ERC1: variants seen among roughly 807,000 people sequenced by gnomAD.
The protein encoded by ERC1 is ELKS/RAB6-interacting/CAST family member 1.
In ERC1, 56 loss-of-function variants were observed where a neutral mutation model predicts 132.0. The observed-to-expected ratio is 0.42, with a 90% CI of 0.34 to 0.53. The LOEUF is 0.53. Among genes scored for constraint, ERC1 ranks in the 20% least tolerant of loss-of-function variants. The pLI, the probability that ERC1 is intolerant of heterozygous loss-of-function variation, is 0.03. For missense variants in ERC1, 1,202 were observed against 1,349.9 expected, an observed-to-expected ratio of 0.89 and a Z score of 1.72; for synonymous variants, 478 against 476.1, an observed-to-expected ratio of 1.00 and a Z score of -0.05.
chr12:1,161,305 G>T (rs1951866573), intron 8 of ERC1, among the ~76,000 whole-genome samples: 1 of 152,156 alleles, frequency 6.6e-6, no homozygotes, highest in South Asian at 2.1e-4. Context: ...TTGAAAGTTT[G>T]CAAGGTAGAT....
intron 16 of ERC1, among the ~76,000 whole-genome samples, chr12:1,407,660 G>T (rs1342382811): frequency 3.3e-5 from 5 of 152,170 alleles, no homozygotes. Context: ...CCATTAACTG[G>T]ATAGCTTAAT....
At chr12:1,387,068 T>TCTTGGAATGAGAATGTCTATCATA (rs2089454207) in intron 16 of ERC1, 1 of 151,444 alleles carries the variant, frequency 6.6e-6, no homozygotes, top group African/African-American at 2.4e-5. Flanking sequence ...AGTTTTTCCC[T>TCTTGGAATGAGAATGTCTATCATA]TTTGGAATGA....
chr12:1,060,788 C>A (rs1357970407), intron 2 of ERC1, among the ~76,000 whole-genome samples: 1 of 148,420 alleles, frequency 6.7e-6, no homozygotes, highest in Non-Finnish European at 1.5e-5. Context: ...TGCAGTGGTG[C>A]GATCTCGGCT....
At chr12:1,262,566 A>G (rs1363852158) in intron 13 of ERC1, among the ~76,000 whole-genome samples, 1 of 152,218 alleles carries the variant, frequency 6.6e-6, no homozygotes, top group Non-Finnish European at 1.5e-5. Context: ...TTTGCTGACA[A>G]TTGTCTATGA....
intron 15 of ERC1, among the ~76,000 whole-genome samples, chr12:1,346,716 G>A (rs1218130058): frequency 6.6e-6 from 1 of 152,058 alleles, no homozygotes; most frequent in Non-Finnish European, 1.5e-5. Flanking sequence ...GCCGAGGCGG[G>A]TGGATCATGA....
intron 16 of ERC1, among the ~76,000 whole-genome samples, chr12:1,406,060 G>C (rs1483173928): frequency 6.6e-6 from 1 of 152,170 alleles, no homozygotes; most frequent in Non-Finnish European, 1.5e-5. Context: ...TAGCTAAAAT[G>C]TATTGGGTGT....
In ERC1 at chr12:1,268,242, C is replaced by A. The variant is rs77969636; in HGVS notation, c.2619+5077C>A. ...ATTCTTTACTTTTATAAACATAATT[C>A]TTTACTGGTCTGAATATTAAGTTAT... On this transcript the variant is annotated intron_variant, in intron 14 of 18. Transcript: ENST00000360905. Among the ~76,000 whole-genome samples the A allele has an allele frequency of 4.9e-4, 74 of 152,202 alleles. No individual in the cohort carries two copies. In the East Asian group the frequency reaches 0.011, roughly 23 times the overall value.
intron 2 of ERC1, among the ~76,000 whole-genome samples, chr12:1,048,819 A>C (rs2154166718): frequency 6.6e-6 from 1 of 152,356 alleles, no homozygotes; most frequent in East Asian, 1.9e-4. Context: ...TAATTACGAA[A>C]GGGATCTGTA....
At chr12:1,029,119 C>T (rs963103658) in intron 2 of ERC1, among the ~76,000 whole-genome samples, 3 of 152,186 alleles carry the variant, frequency 2.0e-5, no homozygotes, top group Admixed American at 6.5e-5. Flanking sequence ...CTTGGGAGGC[C>T]GAGGTGGGCG....
At chr12:1,166,926 A>T (rs1593888275) in intron 8 of ERC1, among the ~76,000 whole-genome samples, 1 of 152,222 alleles carries the variant, frequency 6.6e-6, no homozygotes. Context: ...ATATTTTTAC[A>T]TCATGGAAAT....
At chr12:1,199,632 G>A (rs1342097429) in intron 12 of ERC1, among the ~76,000 whole-genome samples, 1 of 151,882 alleles carries the variant, frequency 6.6e-6, no homozygotes, top group Non-Finnish European at 1.5e-5. Context: ...AAAAAAATTA[G>A]CCGGGCATGG....
In ERC1 at chr12:1,013,357, A is replaced by T. The variant is rs192590997; in HGVS notation, c.-156-14391A>T. Among the ~76,000 whole-genome samples, 321 of 152,258 alleles carry T rather than the reference A, an allele frequency of 2.1e-3. 4 individuals are homozygous for T. Among genetic ancestry groups the T allele is most frequent in the Admixed American group, 0.019 (292 of 15,288 alleles). On this transcript the variant is annotated intron_variant, in intron 1 of 18. Coordinates refer to ENST00000360905, the MANE Select transcript of ERC1 (RefSeq NM_178040.4). The stretch of plus-strand genomic sequence containing the variant: ...TTTGTCATGATGAGAACTTTGAGAG[A>T]ACTTATAATTAACTTGATTAATTGA...
chr12:1,008,291 A>G (rs1964073537), intron 1 of ERC1, among the ~76,000 whole-genome samples: 1 of 152,248 alleles, frequency 6.6e-6, no homozygotes, highest in Non-Finnish European at 1.5e-5. Context: ...TTTATTAGAA[A>G]TATGAGCCAC....
intron 12 of ERC1, among the ~76,000 whole-genome samples, chr12:1,192,005 T>A (rs1955782612): frequency 6.6e-6 from 1 of 152,224 alleles, no homozygotes; most frequent in South Asian, 2.1e-4. Flanking sequence ...AAGAGGAAAC[T>A]GAGGCCCAGA....
At chr12:1,242,615 G>C (rs2154307184) in intron 13 of ERC1, among the ~76,000 whole-genome samples, 1 of 152,216 alleles carries the variant, frequency 6.6e-6, no homozygotes, top group Non-Finnish European at 1.5e-5. Context: ...TCCTTACAGA[G>C]CTCCTGTCTC....
intron 2 of ERC1, among the ~76,000 whole-genome samples, chr12:1,029,109 C>A (rs536110120): frequency 6.6e-6 from 1 of 152,188 alleles, no homozygotes; most frequent in South Asian, 2.1e-4. Flanking sequence ...AATCCCAGCA[C>A]TTGGGAGGCC....
At chr12:994,938 TACAA>T (rs1305154384) in intron 1 of ERC1, among the ~76,000 whole-genome samples, 3 of 151,866 alleles carry the variant, frequency 2.0e-5, no homozygotes, top group Non-Finnish European at 4.4e-5. Flanking sequence ...CTACTGAAAA[TACAA>T]ACAATTAGCT....
At chr12:1,122,959 C>T (rs900085893) in intron 7 of ERC1, among the ~76,000 whole-genome samples, 6 of 152,048 alleles carry the variant, frequency 3.9e-5, no homozygotes, top group African/African-American at 9.7e-5. Context: ...GTTCTAGCAG[C>T]GGTACAGATG....
At chr12:1,133,580 A>G (rs999776015) in intron 7 of ERC1, among the ~76,000 whole-genome samples, 1 of 152,132 alleles carries the variant, frequency 6.6e-6, no homozygotes. Flanking sequence ...CTGTGGTTGC[A>G]ATCCTTTTCT....
Sources: allele counts gnomAD v4.1 joint callset (sites outside exome capture counted in the v4.1 genomes callset), GRCh38; gene constraint gnomAD v4.1.1; transcripts MANE v1.5; gene names NCBI Gene and HGNC (gene_info 2026-07-23, HGNC 2026-07-21).